Variants in ZFAND6 observed in about 807,000 individuals in gnomAD.
ZFAND6 encodes the protein zinc finger AN1-type containing 6.
A neutral mutation model predicts 24.5 loss-of-function variants in ZFAND6; 12 were observed. That is an observed-to-expected ratio of 0.49 (90% CI 0.31 to 0.79). ZFAND6 has a LOEUF of 0.79. ZFAND6 is among the 30% of genes least tolerant of loss of function. The probability of loss-of-function intolerance (pLI) is 0.04; values close to 1 mark genes in which losing one functional copy is unlikely to be tolerated. For missense variants in ZFAND6, 207 were observed against 245.9 expected (o/e 0.84, Z 1.06); for synonymous variants, 92 against 81.5 (o/e 1.13, Z -0.69).
intron 1 of ZFAND6, among the ~76,000 whole-genome samples, chr15:80,077,467 A>G (rs1367455467): frequency 1.3e-5 from 2 of 152,284 alleles, no homozygotes; most frequent in East Asian, 3.9e-4. Context: ...AAGGACCTCT[A>G]TTGGACCAAA....
chr15:80,126,381 C>T (rs2040370630), intron 5 of ZFAND6, among the ~76,000 whole-genome samples: 1 of 152,116 alleles, frequency 6.6e-6, no homozygotes, highest in Non-Finnish European at 1.5e-5. Flanking sequence ...TTCCTGGCTT[C>T]AAAATTGAGT....
intron 1 of ZFAND6, among the ~76,000 whole-genome samples, chr15:80,085,452 G>T (rs548292003): frequency 1.6e-4 from 24 of 152,100 alleles, no homozygotes; most frequent in Non-Finnish European, 2.4e-4. Context: ...TTTGTCTCCA[G>T]AGCTTTCGTA....
intron 1 of ZFAND6, among the ~76,000 whole-genome samples, chr15:80,079,405 A>G (rs2037505059): frequency 6.6e-6 from 1 of 151,332 alleles, no homozygotes; most frequent in Non-Finnish European, 1.5e-5. Flanking sequence ...GATTTTTAGT[A>G]GAGACGGGGT....
At chr15:80,129,185 G>A (rs2040491317) in intron 5 of ZFAND6, among the ~76,000 whole-genome samples, 3 of 152,144 alleles carry the variant, frequency 2.0e-5, no homozygotes, top group Admixed American at 2.0e-4. Flanking sequence ...CTGCCCTCTT[G>A]GAGCTTACAT....
At chr15:80,096,669 T>C (rs2038741123) in intron 1 of ZFAND6, among the ~76,000 whole-genome samples, 1 of 152,236 alleles carries the variant, frequency 6.6e-6, no homozygotes, top group African/African-American at 2.4e-5. Flanking sequence ...TGAATTATGT[T>C]GCTAATATAA....
Position 80,137,702 on chromosome 15 carries a change from A to T in ZFAND6, c.*74A>T, listed in dbSNP as rs1026971860. The T allele has an allele frequency of 1.2e-5, 17 of 1,449,806 alleles. No individual in the cohort carries two copies. The highest frequency in any genetic ancestry group is 1.5e-5 in the Non-Finnish European group (16 of 1,094,686). 89.8% of individuals were successfully genotyped at this position (1,449,806 alleles called of 1,614,324 possible). On this transcript the variant is annotated 3_prime_UTR_variant, in exon 7 of 7. Coordinates refer to ENST00000261749, the MANE Select transcript of ZFAND6 (RefSeq NM_019006.4). ...ACTTGAGGTTTTTTTTTTCCTAGTCATTGGGAATGTAGAGCAGTGTATCTT... is the reference window on the plus strand; with the variant it reads ...ACTTGAGGTTTTTTTTTTCCTAGTCTTTGGGAATGTAGAGCAGTGTATCTT...
chr15:80,129,384 A>G (rs2040501358), intron 5 of ZFAND6, among the ~76,000 whole-genome samples: 1 of 152,194 alleles, frequency 6.6e-6, no homozygotes, highest in Non-Finnish European at 1.5e-5. Context: ...GCCTTTTGTC[A>G]TCTTTTGTTA....
intron 2 of ZFAND6, among the ~76,000 whole-genome samples, chr15:80,114,339 A>G (rs1001909616): frequency 4.6e-5 from 7 of 152,204 alleles, no homozygotes; most frequent in African/African-American, 1.7e-4. Flanking sequence ...CTGTTTACAT[A>G]CAGCATAGTT....
chr15:80,096,998 GA>G (rs1023941378), intron 1 of ZFAND6, among the ~76,000 whole-genome samples: 20 of 149,214 alleles, frequency 1.3e-4, no homozygotes, highest in African/African-American at 3.8e-4. Flanking sequence ...TAATGTGTTA[GA>G]TTTTTTTTTT....
intron 2 of ZFAND6, among the ~76,000 whole-genome samples, chr15:80,107,225 A>G (rs1220401987): frequency 1.3e-5 from 2 of 152,156 alleles, no homozygotes; most frequent in East Asian, 1.9e-4. Flanking sequence ...CAAAAAAAAA[A>G]TAGATTTAGT....
chr15:80,096,732 A>G (rs955467545), intron 1 of ZFAND6, among the ~76,000 whole-genome samples: 1 of 152,220 alleles, frequency 6.6e-6, no homozygotes, highest in Non-Finnish European at 1.5e-5. Flanking sequence ...AAAATTTACT[A>G]TAGAAATTTA....
Position 80,093,021 on chromosome 15 carries a change from C to T in ZFAND6, c.-180-5395C>T, listed in dbSNP as rs377750991. 1.2e-4 allele frequency among the ~76,000 whole-genome samples: 18 copies of T among 150,980 alleles called. No homozygotes were observed. The East Asian group carries it at 3.5e-3, about 30-fold the overall frequency. ...CCAGGCTGGAATGCAGTGGCACGATCTCAGCTCACTGCAACCTCTGCCTCC... is the reference window on the plus strand; with the variant it reads ...CCAGGCTGGAATGCAGTGGCACGATTTCAGCTCACTGCAACCTCTGCCTCC... On this transcript the variant is annotated intron_variant, in intron 1 of 6. Transcript: ENST00000261749.
At chr15:80,104,012 A>T (rs1402213401) in intron 2 of ZFAND6, among the ~76,000 whole-genome samples, 1 of 152,112 alleles carries the variant, frequency 6.6e-6, no homozygotes, top group Non-Finnish European at 1.5e-5. Context: ...CCACACCCAG[A>T]TAATTTTCTT....
intron 1 of ZFAND6, among the ~76,000 whole-genome samples, chr15:80,070,810 T>TTTC (rs1567050570): frequency 6.6e-6 from 1 of 152,260 alleles, no homozygotes; most frequent in Non-Finnish European, 1.5e-5. Context: ...CTCTTTTTTT[T>TTTC]TTCTTCCCGT....
At chr15:80,061,878 A>G (rs560016383) in intron 1 of ZFAND6, among the ~76,000 whole-genome samples, 17 of 152,312 alleles carry the variant, frequency 1.1e-4, no homozygotes, top group African/African-American at 3.8e-4. Flanking sequence ...TAGAAATAAG[A>G]TGAATGAAAA....
chr15:80,110,858 A>G (rs2039572215), intron 2 of ZFAND6, among the ~76,000 whole-genome samples: 1 of 152,232 alleles, frequency 6.6e-6, no homozygotes, highest in Non-Finnish European at 1.5e-5. Context: ...TTGCAGATCT[A>G]AAAGTGAAAG....
intron 5 of ZFAND6, among the ~76,000 whole-genome samples, chr15:80,128,168 G>T (rs374534016): frequency 1.3e-5 from 2 of 152,228 alleles, no homozygotes; most frequent in African/African-American, 4.8e-5. Flanking sequence ...GCCAGAAACC[G>T]TGGGAAGTGG....
chr15:80,094,518 CTG>C (rs1034970772), intron 1 of ZFAND6, among the ~76,000 whole-genome samples: 5 of 134,422 alleles, frequency 3.7e-5, no homozygotes, highest in African/African-American at 1.4e-4. Flanking sequence ...TTCCACGAAA[CTG>C]GTCCCTGGAC....
intron 1 of ZFAND6, among the ~76,000 whole-genome samples, chr15:80,064,446 G>C (rs2036501372): frequency 6.6e-6 from 1 of 151,872 alleles, no homozygotes; most frequent in Admixed American, 6.6e-5. Context: ...AAATAAACCT[G>C]GATATTGGAC....
Sources: gnomAD v4.1 joint callset for allele counts (sites outside exome capture counted in the v4.1 genomes callset) on GRCh38, gnomAD v4.1.1 for gene constraint, MANE v1.5 for transcripts, NCBI Gene and HGNC (gene_info 2026-07-23, HGNC 2026-07-21) for gene names.